FAM83B: variants seen among roughly 807,000 people sequenced by gnomAD.
FAM83B encodes the protein scaffolding CK1 anchoring protein B.
FAM83B carries 26 observed loss-of-function variants against 38.8 expected under a neutral mutation model. The ratio of observed to expected loss-of-function variants is 0.67; its 90% CI spans 0.49 to 0.93. The LOEUF (loss-of-function observed/expected upper bound fraction) is 0.93. Ranked by LOEUF, FAM83B falls within the 40% of genes least tolerant of loss-of-function variation. The pLI is 0.00. For synonymous variants in FAM83B, 419 were observed against 423.1 expected (o/e 0.99, Z 0.12); for missense variants, 1,237 against 1,197.3 (o/e 1.03, Z -0.49).
intron 2 of FAM83B, among the ~76,000 whole-genome samples, chr6:54,919,903 G>A (rs146833113): frequency 2.3e-4 from 35 of 152,042 alleles, no homozygotes; most frequent in Middle Eastern, 3.4e-3. Flanking sequence ...ATATTTAGAG[G>A]TGTGTGAGAC....
chr6:54,885,680 T>C (rs1772257531), intron 2 of FAM83B, among the ~76,000 whole-genome samples: 1 of 152,050 alleles, frequency 6.6e-6, no homozygotes, highest in East Asian at 1.9e-4. Context: ...CAATACTTGC[T>C]ATACAAAACC....
chr6:54,924,354 G>T lies in FAM83B; in HGVS notation c.445-2017G>T, dbSNP rs1773239877. ...AAAAAGTACAACTTCTTTTGATTCA[G>T]CTCTACCCCCAACTACTGTTCAATT... On this transcript the variant is annotated intron_variant, in intron 2 of 4. Transcript: ENST00000306858. Among the ~76,000 whole-genome samples the T allele has an allele frequency of 4.0e-5, 6 of 151,544 alleles. No individual in the cohort carries two copies. The South Asian group carries it at 1.3e-3, about 32-fold the overall frequency.
chr6:54,895,309 G>T (rs1284675067), intron 2 of FAM83B, among the ~76,000 whole-genome samples: 1 of 152,220 alleles, frequency 6.6e-6, no homozygotes, highest in Non-Finnish European at 1.5e-5. Context: ...TCTTGGGACA[G>T]ATTCAATAGC....
intron 1 of FAM83B, among the ~76,000 whole-genome samples, chr6:54,856,896 A>G (rs1436452961): frequency 1.3e-5 from 2 of 152,186 alleles, no homozygotes; most frequent in Non-Finnish European, 2.9e-5. Flanking sequence ...AGTGAAAACT[A>G]AAAGCTTTCC....
At chr6:54,895,359 A>G (rs1310568953) in intron 2 of FAM83B, among the ~76,000 whole-genome samples, 1 of 152,222 alleles carries the variant, frequency 6.6e-6, no homozygotes, top group African/African-American at 2.4e-5. Flanking sequence ...TTAGCCTTGC[A>G]TAAAATTCTA....
chr6:54,896,370 CA>C (rs1296446541), intron 2 of FAM83B, among the ~76,000 whole-genome samples: 1 of 152,098 alleles, frequency 6.6e-6, no homozygotes, highest in Non-Finnish European at 1.5e-5. Context: ...ACTGAGCAGC[CA>C]AAACAGACAT....
chr6:54,857,734 A>G (rs2127572452), intron 1 of FAM83B, among the ~76,000 whole-genome samples: 1 of 152,320 alleles, frequency 6.6e-6, no homozygotes, highest in East Asian at 1.9e-4. Flanking sequence ...GGTACAGGAA[A>G]TAGCACATAA....
In FAM83B at chr6:54,943,005, C is replaced by G. The variant is rs539897560; in HGVS notation, c.*998C>G. On this transcript the variant is annotated 3_prime_UTR_variant, in exon 5 of 5. Coordinates refer to ENST00000306858, the MANE Select transcript of FAM83B (RefSeq NM_001010872.3). ...GCAACCTCTGCCTCCCAAGTTCAAA[C>G]GATTCTCCTGCCTCAGCCTCCTGAG... is the stretch of plus-strand genomic sequence containing the variant. Among the ~76,000 whole-genome samples the G allele has an allele frequency of 6.6e-6, 1 of 151,682 alleles. No homozygotes were observed. The highest frequency in any genetic ancestry group is 6.6e-5 in the Admixed American group (1 of 15,212).
chr6:54,875,131 A>G (rs1011519936), intron 2 of FAM83B, among the ~76,000 whole-genome samples: 2 of 152,190 alleles, frequency 1.3e-5, no homozygotes, highest in Non-Finnish European at 2.9e-5. Context: ...TTAGGAAAAG[A>G]TATGAAGCAA....
chr6:54,933,858 A>G (rs1029493972), intron 4 of FAM83B, among the ~76,000 whole-genome samples: 1 of 152,096 alleles, frequency 6.6e-6, no homozygotes, highest in Non-Finnish European at 1.5e-5. Flanking sequence ...CAGAATTATG[A>G]TCCACAGTCT....
intron 1 of FAM83B, among the ~76,000 whole-genome samples, chr6:54,851,106 T>C (rs1480391829): frequency 1.3e-5 from 2 of 152,128 alleles, no homozygotes; most frequent in African/African-American, 4.8e-5. Context: ...ATAGCTAAGT[T>C]GTTTTTAGAG....
At chr6:54,919,014 A>G (rs1005472234) in intron 2 of FAM83B, among the ~76,000 whole-genome samples, 1 of 152,138 alleles carries the variant, frequency 6.6e-6, no homozygotes, top group African/African-American at 2.4e-5. Context: ...ACCCTCCAAC[A>G]TCTTGGCTTT....
At chr6:54,933,290 CTTTTAG>C (rs1773462009) in intron 4 of FAM83B, among the ~76,000 whole-genome samples, 1 of 151,512 alleles carries the variant, frequency 6.6e-6, no homozygotes, top group Non-Finnish European at 1.5e-5. Flanking sequence ...CCAGAATTTC[CTTTTAG>C]TTTTATTTTA....
intron 2 of FAM83B, among the ~76,000 whole-genome samples, chr6:54,879,005 C>T (rs1373238394): frequency 6.6e-6 from 1 of 152,042 alleles, no homozygotes; most frequent in Non-Finnish European, 1.5e-5. Context: ...ACATTTTTTG[C>T]CTGAGCAGTT....
intron 1 of FAM83B, among the ~76,000 whole-genome samples, chr6:54,861,766 G>A (rs758361027): frequency 1.3e-5 from 2 of 152,098 alleles, no homozygotes; most frequent in Non-Finnish European, 1.5e-5. Context: ...GCAGACAGAC[G>A]GGGAAAGAAG....
chr6:54,910,342 T>C (rs1258802428), intron 2 of FAM83B, among the ~76,000 whole-genome samples: 1 of 152,238 alleles, frequency 6.6e-6, no homozygotes, highest in Admixed American at 6.5e-5. Context: ...CCACCTAGTT[T>C]CTAAATATCT....
chr6:54,848,291 CT>C (rs1403572837), intron 1 of FAM83B, among the ~76,000 whole-genome samples: 1 of 152,140 alleles, frequency 6.6e-6, no homozygotes, highest in African/African-American at 2.4e-5. Context: ...GCCTTTGGGG[CT>C]CAGGCACACG....
In FAM83B at chr6:54,911,262, A is replaced by G. The variant is rs374832460; in HGVS notation, c.445-15109A>G. On this transcript the variant is annotated intron_variant, in intron 2 of 4. Coordinates refer to ENST00000306858, the MANE Select transcript of FAM83B (RefSeq NM_001010872.3). ...TTTTGATACAGATGTTAGAATTGAAAGAAATGCCCCTAAACTTTACTTAGG... is the reference window on the plus strand; with the variant it reads ...TTTTGATACAGATGTTAGAATTGAAGGAAATGCCCCTAAACTTTACTTAGG... Among the ~76,000 whole-genome samples the G allele has an allele frequency of 6.5e-4, 99 of 151,896 alleles. 1 individual carries two copies. The highest frequency in any genetic ancestry group is 2.0e-3 in the African/African-American group (82 of 41,464).
At chr6:54,860,837 C>A (rs1253316247) in intron 1 of FAM83B, among the ~76,000 whole-genome samples, 1 of 152,126 alleles carries the variant, frequency 6.6e-6, no homozygotes, top group Non-Finnish European at 1.5e-5. Flanking sequence ...TATAAAGCTG[C>A]GTAAGGAAAG....
Sources: allele counts gnomAD v4.1 joint callset (sites outside exome capture counted in the v4.1 genomes callset), GRCh38; gene constraint gnomAD v4.1.1; transcripts MANE v1.5; gene names NCBI Gene and HGNC (gene_info 2026-07-23, HGNC 2026-07-21).